Variants in PRRX1 observed in about 807,000 individuals in gnomAD.
The protein encoded by PRRX1 is paired mesoderm homeobox protein 1.
A neutral mutation model predicts 24.0 loss-of-function variants in PRRX1; 8 were observed. That is an observed-to-expected ratio of 0.33 (90% CI 0.20 to 0.60). The LOEUF is 0.60. PRRX1 is among the 20% of genes least tolerant of loss of function. The pLI is 0.82. For synonymous variants in PRRX1, 160 were observed against 131.7 expected (o/e 1.22, Z -1.47); for missense variants, 281 against 322.4 (o/e 0.87, Z 0.98).
At chr1:170,677,472 CAGCATCTCTGACT>C (rs1558045004) in intron 1 of PRRX1, among the ~76,000 whole-genome samples, 1 of 152,222 alleles carries the variant, frequency 6.6e-6, no homozygotes, top group Non-Finnish European at 1.5e-5. Context: ...TTCCACCCCA[CAGCATCTCTGACT>C]AGTATGACTT....
In PRRX1 at chr1:170,725,133, A is replaced by C. The variant is rs147334525; in HGVS notation, c.418-1087A>C. ...TGTGATTTTTGCATACTGATTTTGC[A>C]CCCTGAGACTTTGCTGAAGTTGCTT... On this transcript the variant is annotated intron_variant, in intron 2 of 3. Coordinates refer to ENST00000239461, the MANE Select transcript of PRRX1 (RefSeq NM_022716.4). Among the ~76,000 whole-genome samples, 522 of 152,160 alleles carry C rather than the reference A, an allele frequency of 3.4e-3. 1 individual carries two copies. The highest frequency in any genetic ancestry group is 0.01 in the Middle Eastern group (3 of 294).
At chr1:170,690,149 T>C (rs1653890220) in intron 1 of PRRX1, among the ~76,000 whole-genome samples, 1 of 151,508 alleles carries the variant, frequency 6.6e-6, no homozygotes, top group South Asian at 2.1e-4. Context: ...CAACATTTAC[T>C]GAGCACCTAT....
intron 2 of PRRX1, among the ~76,000 whole-genome samples, chr1:170,725,051 G>A (rs1655211277): frequency 6.6e-6 from 1 of 152,102 alleles, no homozygotes; most frequent in African/African-American, 2.4e-5. Context: ...AATTGTGAAT[G>A]GGAGTTCATT....
chr1:170,718,826 A>C (rs543822878), intron 1 of PRRX1, among the ~76,000 whole-genome samples: 55 of 152,280 alleles, frequency 3.6e-4, no homozygotes, highest in Middle Eastern at 3.4e-3. Flanking sequence ...TGGGGGCAGC[A>C]GGAGAGGAGC....
At chr1:170,722,025 C>T (rs989345223) in intron 2 of PRRX1, among the ~76,000 whole-genome samples, 4 of 150,810 alleles carry the variant, frequency 2.7e-5, no homozygotes, top group Admixed American at 1.3e-4. Flanking sequence ...GACTGTCTTG[C>T]CCCTATCATG....
Position 170,721,697 on chromosome 1 carries a change from A to G in PRRX1, c.417+1796A>G, listed in dbSNP as rs538919673. 3.3e-5 allele frequency among the ~76,000 whole-genome samples: 5 copies of G among 152,278 alleles called. No individual in the cohort carries two copies. In the East Asian group the frequency reaches 9.7e-4, roughly 29 times the overall value. On this transcript the variant is annotated intron_variant, in intron 2 of 3. Coordinates refer to ENST00000239461, the MANE Select transcript of PRRX1 (RefSeq NM_022716.4). ...CAAGTGAGAGTGACCCATAGAGACA[A>G]TACTCAGTTTTGCTCTCCCATTCGC...
At chr1:170,696,865 T>A (rs530513736) in intron 1 of PRRX1, among the ~76,000 whole-genome samples, 1 of 152,264 alleles carries the variant, frequency 6.6e-6, no homozygotes, top group East Asian at 1.9e-4. Flanking sequence ...CCTCCATGAG[T>A]TAATTTAGAA....
At chr1:170,676,767 C>T (rs773024341) in intron 1 of PRRX1, among the ~76,000 whole-genome samples, 84 of 152,078 alleles carry the variant, frequency 5.5e-4, no homozygotes, top group Non-Finnish European at 7.2e-4. Flanking sequence ...CAACCAAATT[C>T]CTCTAGATGC....
intron 1 of PRRX1, among the ~76,000 whole-genome samples, chr1:170,670,607 A>C (rs1051318912): frequency 6.6e-6 from 1 of 152,146 alleles, no homozygotes; most frequent in Non-Finnish European, 1.5e-5. Flanking sequence ...GGAAGTACTC[A>C]TCCAGACAAT....
Position 170,671,963 on chromosome 1 carries a change from A to C in PRRX1, c.241+7504A>C, listed in dbSNP as rs564647383. Among the ~76,000 whole-genome samples, 552 of 152,300 alleles carry C rather than the reference A, an allele frequency of 3.6e-3. 4 individuals are homozygous for C. Among genetic ancestry groups the C allele is most frequent in the African/African-American group, 0.013 (533 of 41,564 alleles). Reference sequence around the variant, plus strand: ...GCTGGTATTAGTGAGATGTTGAAAAACTGCCACAGAAGCCCTCACAGTGCC... The same window carrying C: ...GCTGGTATTAGTGAGATGTTGAAAACCTGCCACAGAAGCCCTCACAGTGCC... On this transcript the variant is annotated intron_variant, in intron 1 of 3. Transcript: ENST00000239461.
chr1:170,664,104 T>TCTCTCTCTCTCTCTCTCTCC, upstream of PRRX1: 1 of 1,074,226 alleles, frequency 9.3e-7, no homozygotes, highest in Non-Finnish European at 1.3e-6. Context: ...TCTCTCTCTC[T>TCTCTCTCTCTCTCTCTCTCC]CTCCACTACC....
intron 2 of PRRX1, among the ~76,000 whole-genome samples, chr1:170,720,411 C>T (rs1308927185): frequency 1.3e-5 from 2 of 152,170 alleles, no homozygotes; most frequent in African/African-American, 4.8e-5. Flanking sequence ...CTTTGGGCAG[C>T]AAGTATTTTT....
At chr1:170,677,402 T>C (rs1328193764) in intron 1 of PRRX1, among the ~76,000 whole-genome samples, 1 of 152,206 alleles carries the variant, frequency 6.6e-6, no homozygotes, top group Non-Finnish European at 1.5e-5. Flanking sequence ...AGGGCAAGCA[T>C]TTATTTGAGT....
At chr1:170,664,021 G>A (rs763771964), upstream of PRRX1, 1,378 of 590,658 alleles carry the variant, frequency 2.3e-3, 4 homozygotes, top group Non-Finnish European at 3.4e-3. Flanking sequence ...CTCTACAGAA[G>A]GGGGTCCCCC....
intron 1 of PRRX1, among the ~76,000 whole-genome samples, chr1:170,689,879 GGTGTGTGTGTGTGC>G (rs1558049774): frequency 1.5e-5 from 2 of 136,672 alleles, no homozygotes; most frequent in Non-Finnish European, 3.2e-5. Context: ...TCTCTCTGTG[GGTGTGTGTGTGTGC>G]GTGTGTGTGT....
At chr1:170,730,166 C>T (rs1490697742) in intron 3 of PRRX1, 14 of 936,288 alleles carry the variant, frequency 1.5e-5, no homozygotes, top group Non-Finnish European at 1.8e-5. Flanking sequence ...TCCTTGTCCA[C>T]AGCTTCCCTC....
intron 3 of PRRX1, chr1:170,727,055 G>C (rs1655278372): frequency 1.3e-5 from 2 of 152,122 alleles, no homozygotes; most frequent in African/African-American, 2.4e-5. Flanking sequence ...TTGTCTACTT[G>C]TCTGAAGTTT....
intron 3 of PRRX1, chr1:170,730,501 G>T (rs918197939): frequency 1.5e-6 from 1 of 648,198 alleles, no homozygotes; most frequent in Non-Finnish European, 2.7e-6. Flanking sequence ...CTGCAAGAAA[G>T]CATGTCCACT....
intron 1 of PRRX1, among the ~76,000 whole-genome samples, chr1:170,718,196 A>G (rs1411518485): frequency 6.6e-6 from 1 of 152,238 alleles, no homozygotes; most frequent in Non-Finnish European, 1.5e-5. Flanking sequence ...CAAACTCAGC[A>G]AGCATTTACT....
Sources: allele counts gnomAD v4.1 joint callset (sites outside exome capture counted in the v4.1 genomes callset), GRCh38; gene constraint gnomAD v4.1.1; transcripts MANE v1.5; gene names NCBI Gene and HGNC (gene_info 2026-07-23, HGNC 2026-07-21).